Variants in NDUFAF2 observed in about 807,000 individuals in gnomAD.
NDUFAF2 encodes the protein NADH:ubiquinone oxidoreductase complex assembly factor 2.
NDUFAF2 carries 13 observed loss-of-function variants against 22.8 expected under a neutral mutation model. The observed-to-expected ratio is 0.57, with a 90% confidence interval of 0.37 to 0.91. The LOEUF (loss-of-function observed/expected upper bound fraction) is 0.91, where lower values mean the gene tolerates loss of function less well. NDUFAF2 is among the 40% of genes least tolerant of loss of function. The probability of loss-of-function intolerance (pLI) is 0.01; values close to 1 mark genes in which losing one functional copy is unlikely to be tolerated. For missense variants in NDUFAF2, 162 were observed against 195.2 expected, an observed-to-expected ratio of 0.83 and a Z score of 1.01; for synonymous variants, 53 against 64.2, an observed-to-expected ratio of 0.83 and a Z score of 0.84.
At chr5:61,065,333 T>C (rs770791911) in intron 1 of NDUFAF2, among the ~76,000 whole-genome samples, 4 of 152,096 alleles carry the variant, frequency 2.6e-5, no homozygotes, top group Non-Finnish European at 5.9e-5. Flanking sequence ...CTTCAGAGAA[T>C]ACTTCTAAGC....
At chr5:61,008,493 A>G (rs1467578673) in intron 1 of NDUFAF2, among the ~76,000 whole-genome samples, 1 of 152,122 alleles carries the variant, frequency 6.6e-6, no homozygotes, top group Non-Finnish European at 1.5e-5. Context: ...TCCACACCTT[A>G]TTTCTCTCAA....
intron 1 of NDUFAF2, among the ~76,000 whole-genome samples, chr5:61,038,267 G>T (rs1393103691): frequency 1.3e-5 from 2 of 152,058 alleles, no homozygotes; most frequent in Non-Finnish European, 2.9e-5. Flanking sequence ...CTAAGTGAAA[G>T]TATAAAAAAG....
chr5:61,139,799 A>AT (rs912740401), intron 3 of NDUFAF2, among the ~76,000 whole-genome samples: 6 of 152,014 alleles, frequency 3.9e-5, no homozygotes, highest in African/African-American at 9.7e-5. Context: ...TTCCTGATTA[A>AT]TTTTTTTTGA....
intron 3 of NDUFAF2, among the ~76,000 whole-genome samples, chr5:61,127,769 A>G (rs909147243): frequency 2.6e-5 from 4 of 152,200 alleles, no homozygotes; most frequent in African/African-American, 9.6e-5. Context: ...CTCCTATTCA[A>G]CATAGTGTTG....
At chr5:61,099,106 G>C in intron 3 of NDUFAF2, 74 bp downstream of exon 3, 1 of 1,029,022 alleles carries the variant, frequency 9.7e-7, no homozygotes, top group Non-Finnish European at 1.4e-6. Context: ...GAAAAACTAT[G>C]ATGTATTTTC....
At chr5:60,957,009 T>G (rs1479314466) in intron 1 of NDUFAF2, among the ~76,000 whole-genome samples, 1 of 152,166 alleles carries the variant, frequency 6.6e-6, no homozygotes, top group Non-Finnish European at 1.5e-5. Context: ...TTAAAGTTGA[T>G]AATTTAAAAT....
intron 1 of NDUFAF2, among the ~76,000 whole-genome samples, chr5:61,020,284 A>G (rs574833973): frequency 2.0e-5 from 3 of 151,954 alleles, no homozygotes; most frequent in African/African-American, 7.2e-5. Context: ...CATATATTCT[A>G]CTTTCTCTGT....
intron 1 of NDUFAF2, among the ~76,000 whole-genome samples, chr5:61,035,424 GTTTTTTTTT>G (rs768889484): frequency 7.4e-5 from 3 of 40,544 alleles, no homozygotes; most frequent in Non-Finnish European, 1.4e-4. Context: ...CTCTTGCTCT[GTTTTTTTTT>G]TTTTTTTTTT....
intron 1 of NDUFAF2, among the ~76,000 whole-genome samples, chr5:60,989,704 C>T (rs868449100): frequency 5.3e-5 from 8 of 152,042 alleles, no homozygotes; most frequent in African/African-American, 1.9e-4. Context: ...TAACAACGCA[C>T]GTGGACACAA....
At chr5:60,969,658 C>T (rs1750802428) in intron 1 of NDUFAF2, among the ~76,000 whole-genome samples, 1 of 152,004 alleles carries the variant, frequency 6.6e-6, no homozygotes, top group Admixed American at 6.6e-5. Context: ...AAATATTTTT[C>T]ACCCATTCTG....
intron 1 of NDUFAF2, among the ~76,000 whole-genome samples, chr5:61,070,847 T>C (rs1752288342): frequency 1.3e-5 from 2 of 152,172 alleles, no homozygotes; most frequent in African/African-American, 2.4e-5. Flanking sequence ...TAAAAACTTA[T>C]AGACCATACA....
intron 1 of NDUFAF2, among the ~76,000 whole-genome samples, chr5:60,947,659 G>A (rs12517310): frequency 0.39 from 58,411 of 151,100 alleles, 12,281 homozygotes; most frequent in East Asian, 0.8. Context: ...CCAGCTAGTC[G>A]GGAGGCTAAG....
At chr5:61,142,829 G>C (rs549921325) in intron 3 of NDUFAF2, among the ~76,000 whole-genome samples, 2 of 152,256 alleles carry the variant, frequency 1.3e-5, no homozygotes, top group Admixed American at 1.3e-4. Flanking sequence ...GATCTAGCAG[G>C]TGTTCTCTTG....
intron 1 of NDUFAF2, among the ~76,000 whole-genome samples, chr5:61,049,089 G>A (rs946125253): frequency 2.0e-5 from 3 of 151,988 alleles, no homozygotes; most frequent in Admixed American, 2.0e-4. Context: ...TATATATATA[G>A]AATTTTAGTT....
At chr5:61,050,962 A>G (rs1365397814) in intron 1 of NDUFAF2, among the ~76,000 whole-genome samples, 1 of 152,200 alleles carries the variant, frequency 6.6e-6, no homozygotes, top group Non-Finnish European at 1.5e-5. Flanking sequence ...CTTTTCATTA[A>G]AACAATCAGA....
At chr5:60,972,149 G>T (rs967014608) in intron 1 of NDUFAF2, among the ~76,000 whole-genome samples, 1 of 151,520 alleles carries the variant, frequency 6.6e-6, no homozygotes, top group African/African-American at 2.4e-5. Flanking sequence ...CACCATGTTG[G>T]TCAGGCTGGT....
intron 1 of NDUFAF2, among the ~76,000 whole-genome samples, chr5:60,971,715 T>TGGTTTTCTGTCCTTGTGTTA (rs1750834020): frequency 6.6e-6 from 1 of 151,832 alleles, no homozygotes; most frequent in Non-Finnish European, 1.5e-5. Flanking sequence ...ATGCGGTGTT[T>TGGTTTTCTGTCCTTGTGTTA]GGTTTTCTGT....
At chr5:60,967,992 A>T (rs1750779762) in intron 1 of NDUFAF2, among the ~76,000 whole-genome samples, 1 of 151,438 alleles carries the variant, frequency 6.6e-6, no homozygotes, top group Admixed American at 6.6e-5. Flanking sequence ...TTAATGAGAG[A>T]CTTTATTACT....
At chr5:61,017,438 A>G (rs767322799) in intron 1 of NDUFAF2, among the ~76,000 whole-genome samples, 3 of 152,106 alleles carry the variant, frequency 2.0e-5, no homozygotes, top group Non-Finnish European at 2.9e-5. Context: ...ACTTTGTAGA[A>G]TGTTTGAGAC....
Sources: gnomAD v4.1 joint callset for allele counts (sites outside exome capture counted in the v4.1 genomes callset) on GRCh38, gnomAD v4.1.1 for gene constraint, MANE v1.5 for transcripts, NCBI Gene and HGNC (gene_info 2026-07-23, HGNC 2026-07-21) for gene names.